CUBN: variants seen among roughly 807,000 people sequenced by gnomAD.
The protein encoded by CUBN is cubilin, also known as 460 kDa receptor.
A neutral mutation model predicts 405.3 loss-of-function variants in CUBN; 282 were observed. That is an observed-to-expected ratio of 0.70 (90% CI 0.63 to 0.77). The LOEUF is 0.77. Ranked by LOEUF, CUBN falls within the 30% of genes least tolerant of loss-of-function variation. CUBN has a pLI of 0.00. For missense variants in CUBN, 4,514 were observed against 4,475.2 expected, an observed-to-expected ratio of 1.01 and a Z score of -0.25; for synonymous variants, 1,684 against 1,617.0, an observed-to-expected ratio of 1.04 and a Z score of -0.99.
chr10:17,110,518 G>A (rs1836746917), intron 9 of CUBN, among the ~76,000 whole-genome samples: 1 of 152,106 alleles, frequency 6.6e-6, no homozygotes, highest in African/African-American at 2.4e-5. Context: ...TCCTAAGACA[G>A]AAATAATATT....
chr10:17,010,453 C>A (rs958244715), intron 28 of CUBN, among the ~76,000 whole-genome samples: 2 of 151,322 alleles, frequency 1.3e-5, no homozygotes, highest in Admixed American at 6.6e-5. Flanking sequence ...TCAGACTGGG[C>A]AACATAGCAA....
At chr10:17,085,920 G>C (rs1836097919) in intron 15 of CUBN, among the ~76,000 whole-genome samples, 161 bp from the exon 16 acceptor site, 1 of 151,590 alleles carries the variant, frequency 6.6e-6, no homozygotes, top group African/African-American at 2.4e-5. Context: ...GTTCAGCAAA[G>C]TGTGTCTCCT....
chr10:17,091,233 A>G (rs1836250787), intron 14 of CUBN, among the ~76,000 whole-genome samples: 1 of 152,192 alleles, frequency 6.6e-6, no homozygotes, highest in Non-Finnish European at 1.5e-5. Context: ...AACACAACAA[A>G]CAAAACACGG....
Position 17,103,253 on chromosome 10 carries a change from T to C in CUBN, c.1418-16A>G, listed in dbSNP as rs748024055. ...TCTCCACAAACTGCAAAGGAAAAGATGAACTGTGCTTTTCAGAGGTTCCTA... is the reference window on the plus strand; with the variant it reads ...TCTCCACAAACTGCAAAGGAAAAGACGAACTGTGCTTTTCAGAGGTTCCTA... On this transcript the variant is annotated splice_polypyrimidine_tract_variant and intron_variant, in intron 12 of 66. Coordinates refer to ENST00000377833, the MANE Select transcript of CUBN (RefSeq NM_001081.4). The C allele has an allele frequency of 1.3e-6, 2 of 1,489,134 alleles. No homozygotes were observed. The highest frequency in any genetic ancestry group is 3.3e-5 in the Admixed American group (2 of 59,848). The allele number at this position is 1,489,134 out of a possible 1,614,324, so 92.2% of individuals were successfully genotyped here. A position where few individuals can be genotyped will look rare whatever the true frequency, so the allele number is the denominator to read the frequency against.
intron 57 of CUBN, among the ~76,000 whole-genome samples, chr10:16,875,358 T>C (rs1234795092): frequency 2.6e-5 from 4 of 152,238 alleles, no homozygotes; most frequent in African/African-American, 9.6e-5. Context: ...AAGACCTATC[T>C]ATGTATATTT....
At chr10:17,091,892 A>G (rs1353870931) in intron 14 of CUBN, among the ~76,000 whole-genome samples, 5 of 152,286 alleles carry the variant, frequency 3.3e-5, no homozygotes, top group Admixed American at 2.0e-4. Flanking sequence ...TTCTTTCACA[A>G]ATAAATTTGA....
At chr10:16,876,033 T>C (rs145645342) in intron 57 of CUBN, among the ~76,000 whole-genome samples, 22 of 152,366 alleles carry the variant, frequency 1.4e-4, no homozygotes, top group African/African-American at 4.8e-4. Flanking sequence ...GCAGCTAATG[T>C]GAACAAATTA....
In CUBN at chr10:17,123,688, GTC is replaced by G; in HGVS notation, c.388-1_388del. The G allele has an allele frequency of 6.2e-7, 1 of 1,611,994 alleles. No homozygotes were observed. ...GCTGCTGCAAACCTTTTTGTCAACA[GTC>G]TGAAACAAAAACAGGACAGTCAATG... On this transcript the variant is annotated splice_acceptor_variant and coding_sequence_variant, in exon 5 of 67. Transcript: ENST00000377833. LOFTEE classifies it high-confidence loss of function.
intron 29 of CUBN, among the ~76,000 whole-genome samples, chr10:16,989,987 AC>A (rs1554806256): frequency 6.6e-6 from 1 of 152,200 alleles, no homozygotes; most frequent in Non-Finnish European, 1.5e-5. Flanking sequence ...CAGTGCCTCC[AC>A]TGTGGTCCTT....
intron 14 of CUBN, among the ~76,000 whole-genome samples, chr10:17,094,011 T>C (rs1459649695): frequency 6.6e-6 from 1 of 152,068 alleles, no homozygotes; most frequent in Non-Finnish European, 1.5e-5. Flanking sequence ...GAAAAAATAT[T>C]GGCTGAAATT....
intron 56 of CUBN, among the ~76,000 whole-genome samples, chr10:16,882,917 G>C (rs914475216): frequency 3.9e-5 from 6 of 152,112 alleles, no homozygotes; most frequent in African/African-American, 1.4e-4. Context: ...GGGAGGCTGA[G>C]CCATGAGAAT....
At chr10:16,986,769 T>C (rs1330062909) in intron 29 of CUBN, among the ~76,000 whole-genome samples, 1 of 151,894 alleles carries the variant, frequency 6.6e-6, no homozygotes, top group Admixed American at 6.6e-5. Flanking sequence ...TAGGGCACAG[T>C]CCCCACAGCA....
chr10:17,045,636 C>T (rs937664720), intron 24 of CUBN, among the ~76,000 whole-genome samples: 13 of 152,038 alleles, frequency 8.6e-5, no homozygotes, highest in Admixed American at 5.2e-4. Flanking sequence ...CCCCCTGCCT[C>T]GGCCTCCCAA....
intron 60 of CUBN, among the ~76,000 whole-genome samples, chr10:16,849,324 TC>T (rs1839609944): frequency 6.6e-6 from 1 of 151,424 alleles, no homozygotes; most frequent in African/African-American, 2.4e-5. Context: ...TCCAGTTGCC[TC>T]CCTGGGTACT....
intron 29 of CUBN, among the ~76,000 whole-genome samples, chr10:16,987,103 C>T (rs1459663064): frequency 6.6e-6 from 1 of 152,216 alleles, no homozygotes; most frequent in Non-Finnish European, 1.5e-5. Flanking sequence ...TCCTGGTTTA[C>T]TGCTCCAAGG....
intron 43 of CUBN, among the ~76,000 whole-genome samples, chr10:16,924,944 G>A (rs1842139365): frequency 1.3e-5 from 2 of 152,144 alleles, no homozygotes; most frequent in Admixed American, 1.3e-4. Flanking sequence ...AGGAATTCCA[G>A]GGATCAAGAA....
intron 59 of CUBN, among the ~76,000 whole-genome samples, chr10:16,866,262 G>C (rs957645691): frequency 3.9e-5 from 6 of 152,146 alleles, no homozygotes; most frequent in Non-Finnish European, 7.4e-5. Flanking sequence ...CCTATGTGTA[G>C]AAGTTTGATG....
intron 46 of CUBN, 109 bp downstream of exon 46, chr10:16,915,712 G>A: frequency 1.1e-6 from 1 of 887,996 alleles, no homozygotes; most frequent in Non-Finnish European, 1.8e-6. Flanking sequence ...GCACTTCTCT[G>A]CAGAGTATAG....
chr10:17,129,051 C>T, intron 2 of CUBN, 70 bp downstream of exon 2: 1 of 1,247,062 alleles, frequency 8.0e-7, no homozygotes, highest in Admixed American at 1.7e-5. Context: ...ACAGATTAAT[C>T]TAGACTTGTT....
Sources: gnomAD v4.1 joint callset for allele counts (sites outside exome capture counted in the v4.1 genomes callset) on GRCh38, gnomAD v4.1.1 for gene constraint, MANE v1.5 for transcripts, NCBI Gene and HGNC (gene_info 2026-07-23, HGNC 2026-07-21) for gene names.